HIVEP3: variants seen among roughly 807,000 people sequenced by gnomAD.
HIVEP3 encodes the protein HIVEP zinc finger 3.
A neutral mutation model predicts 152.8 loss-of-function variants in HIVEP3; 49 were observed. That is an observed-to-expected ratio of 0.32 (90% CI 0.26 to 0.41). The LOEUF is 0.41. Among genes scored for constraint, HIVEP3 ranks in the 10% least tolerant of loss-of-function variants. HIVEP3 has a pLI of 1.00. For synonymous variants in HIVEP3, 1,269 were observed against 1,289.0 expected (o/e 0.98, Z 0.33); for missense variants, 2,790 against 3,103.3 (o/e 0.90, Z 2.40).
rs1452241312 is a variant in HIVEP3, at chr1:41,662,573, G to T, written c.-720-33626C>A. Among the ~76,000 whole-genome samples, 1 of 150,940 alleles carries T rather than the reference G, an allele frequency of 6.6e-6. No homozygotes were observed. The highest frequency in any genetic ancestry group is 1.5e-5 in the Non-Finnish European group (1 of 67,520). On this transcript the variant is annotated intron_variant, in intron 2 of 8. Transcript: ENST00000372583. This position sits in a 1 kb window ranked among gnomAD's most constrained non-coding sequence, Gnocchi z 7.2. ...GCCTTCGCGGCCGGGGTCGCAGATG[G>T]GCCCGGGCGCGGCTGGCGGCTGCCA...
chr1:41,619,931 A>G (rs1645022733), intron 3 of HIVEP3, among the ~76,000 whole-genome samples: 1 of 152,172 alleles, frequency 6.6e-6, no homozygotes, highest in South Asian at 2.1e-4. Context: ...GCTTTTAGGC[A>G]TCCTGAATTT....
chr1:41,762,192 C>T (rs1197433503), intron 1 of HIVEP3, among the ~76,000 whole-genome samples: 1 of 152,170 alleles, frequency 6.6e-6, no homozygotes, highest in Non-Finnish European at 1.5e-5. Context: ...AGAGAGACCA[C>T]CCAACTTCAG....
chr1:42,009,964 C>T (rs1405442064), intron 1 of HIVEP3, among the ~76,000 whole-genome samples: 2 of 152,140 alleles, frequency 1.3e-5, no homozygotes, highest in Non-Finnish European at 2.9e-5. Context: ...AGGGTCTTAC[C>T]TGTTGCCCAG....
chr1:41,747,539 T>C (rs1183690333), intron 1 of HIVEP3, among the ~76,000 whole-genome samples: 1 of 152,270 alleles, frequency 6.6e-6, no homozygotes, highest in Non-Finnish European at 1.5e-5. Flanking sequence ...AAATGACTTA[T>C]GATCCCATCC....
At chr1:41,700,375 G>A (rs1646343286) in intron 2 of HIVEP3, among the ~76,000 whole-genome samples, 1 of 152,064 alleles carries the variant, frequency 6.6e-6, no homozygotes, top group Non-Finnish European at 1.5e-5. Context: ...AGAAATACAG[G>A]CCCCCTCCCC....
chr1:41,707,537 G>A (rs754177568), intron 1 of HIVEP3, among the ~76,000 whole-genome samples: 5 of 152,182 alleles, frequency 3.3e-5, no homozygotes, highest in East Asian at 1.9e-4. Context: ...GGTCTCTGGC[G>A]GGTGGATATG....
chr1:41,606,760 T>G (rs1405393670), intron 3 of HIVEP3, among the ~76,000 whole-genome samples: 1 of 151,886 alleles, frequency 6.6e-6, no homozygotes, highest in African/African-American at 2.4e-5. Context: ...ACAGGATGAC[T>G]CTTAGTTTAT....
At chr1:41,975,850 G>A (rs1184473035) in intron 1 of HIVEP3, among the ~76,000 whole-genome samples, 1 of 152,200 alleles carries the variant, frequency 6.6e-6, no homozygotes, top group East Asian at 1.9e-4. Context: ...TCCATGGAGA[G>A]GTGTGCTTTT....
intron 5 of HIVEP3, among the ~76,000 whole-genome samples, chr1:41,575,068 A>C (rs755331753): frequency 3.9e-5 from 6 of 152,236 alleles, no homozygotes; most frequent in Admixed American, 3.9e-4. Flanking sequence ...CACCTGGTGC[A>C]TACAGTGTGC....
Position 41,582,769 on chromosome 1 carries a change from C to A in HIVEP3, c.2029G>T (p.Ala677Ser), listed in dbSNP as rs1644435414. The A allele has an allele frequency of 3.1e-6, 5 of 1,614,068 alleles. No individual in the cohort carries two copies. The highest frequency in any genetic ancestry group is 4.2e-6 in the Non-Finnish European group (5 of 1,180,038). ...GCTTCTGGAGATGTGTGGGTGCCTG[C>A]AGAGATGGGCTTTGCGATCTGAAGC... ...SELQIAKPIS[A>S]GTHTSPEAEK... is the part of the protein sequence containing the mutation. Residue 677 changes from alanine to serine, a missense_variant, in exon 4 of 9, where the codon GCA (alanine) becomes TCA (serine). By Grantham distance (99) the Ala-to-Ser change is moderately conservative (BLOSUM62 1). Around this residue, in one of 9 missense-constraint regions of HIVEP3, gnomAD observed 339 missense variants for 327.0 expected, o/e 1.04. Coordinates refer to ENST00000372583, the MANE Select transcript of HIVEP3 (RefSeq NM_024503.5). The surrounding 1 kb of genome is among the most constrained non-coding windows in gnomAD (Gnocchi z 4.7).
chr1:41,824,784 T>TATATATATATATATAGAG (rs1553266584), intron 1 of HIVEP3, among the ~76,000 whole-genome samples: 1 of 11,394 alleles, frequency 8.8e-5, no homozygotes, highest in Admixed American at 1.2e-3. Context: ...TATATATATA[T>TATATATATATATATAGAG]AGAGAGAGAG....
At chr1:41,630,761 C>G (rs1381308867) in intron 2 of HIVEP3, among the ~76,000 whole-genome samples, 2 of 152,188 alleles carry the variant, frequency 1.3e-5, no homozygotes, top group Non-Finnish European at 2.9e-5. Context: ...CACTCTGTAC[C>G]AGACTTCTGC....
rs750021881 is a variant in HIVEP3, at chr1:41,849,696, C to CTTTT, written c.-801+68713_-801+68716dup. 3.3e-3 allele frequency among the ~76,000 whole-genome samples: 477 copies of CTTTT among 142,556 alleles called. 1 individual carries two copies. The highest frequency in any genetic ancestry group is 5.6e-3 in the Non-Finnish European group (365 of 64,624). 93.5% of individuals were successfully genotyped at this position (142,556 alleles called of 152,430 possible). A position where few individuals can be genotyped will look rare whatever the true frequency, so the allele number is the denominator to read the frequency against. ...GGATCCATCAGTGGTAGACCCAAAT[C>CTTTT]TTTTTTTTTTTTTTTTCCAAGTCTT... On this transcript the variant is annotated intron_variant, in intron 1 of 8. Transcript: ENST00000372583.
At chr1:41,543,867 C>T (rs915957545) in intron 5 of HIVEP3, 2 of 152,166 alleles carry the variant, frequency 1.3e-5, no homozygotes, top group Non-Finnish European at 2.9e-5. Flanking sequence ...TGACTGGGAT[C>T]AGCACCTCCT....
chr1:41,816,751 T>C (rs1651292318), intron 1 of HIVEP3, among the ~76,000 whole-genome samples: 3 of 152,200 alleles, frequency 2.0e-5, no homozygotes, highest in African/African-American at 7.2e-5. Flanking sequence ...ATTCACGATA[T>C]GTGTTTTTAT....
At chr1:41,977,197 T>C (rs776246445) in intron 1 of HIVEP3, among the ~76,000 whole-genome samples, 38 of 151,654 alleles carry the variant, frequency 2.5e-4, no homozygotes, top group South Asian at 4.2e-4. Flanking sequence ...AGAAACAAGG[T>C]AAAAATAAAA....
At chr1:41,539,840 T>C (rs1360415494) in intron 5 of HIVEP3, among the ~76,000 whole-genome samples, 4 of 152,254 alleles carry the variant, frequency 2.6e-5, no homozygotes, top group Admixed American at 6.5e-5. Flanking sequence ...AAACCTTTCA[T>C]CACATAAAAA....
chr1:41,897,914 T>A (rs1431161706), intron 1 of HIVEP3, among the ~76,000 whole-genome samples: 1 of 141,592 alleles, frequency 7.1e-6, no homozygotes, highest in Admixed American at 7.4e-5. Context: ...GGACCCAGGG[T>A]AGAAGGAAAG....
rs983779651 is a variant in HIVEP3 at position 41,662,125 on chromosome 1, G to C, written c.-720-33178C>G. On this transcript the variant is annotated intron_variant, in intron 2 of 8. Transcript: ENST00000372583. This position sits in a 1 kb window ranked among gnomAD's most constrained non-coding sequence, Gnocchi z 7.2. ...CGGGGGCGCGGCGCGCGGGGCGCTC[G>C]TTGCTTACCTGCGGGCGGCCGAGGC... is the stretch of plus-strand genomic sequence containing the variant. The C allele has an allele frequency of 2.6e-4, 39 of 150,668 alleles. 1 individual carries two copies. The East Asian group carries it at 5.7e-3, about 22-fold the overall frequency. The allele number at this position is 150,668 out of a possible 1,614,324, so 9.3% of individuals were successfully genotyped here. A position where few individuals can be genotyped will look rare whatever the true frequency, so the allele number is the denominator to read the frequency against.
Sources: allele counts gnomAD v4.1 joint callset (sites outside exome capture counted in the v4.1 genomes callset), GRCh38; gene constraint gnomAD v4.1.1; regional missense constraint gnomAD v4.1.1; non-coding constraint Gnocchi (gnomAD v3.1); transcripts MANE v1.5; gene names NCBI Gene and HGNC (gene_info 2026-07-23, HGNC 2026-07-21).